Variants in TMCC1 observed in about 807,000 individuals in gnomAD.
The protein encoded by TMCC1 is transmembrane and coiled-coil domain family 1, also known as transmembrane and coiled-coil domains protein 1.
TMCC1 carries 15 observed loss-of-function variants against 52.4 expected under a neutral mutation model. The observed-to-expected ratio is 0.29, with a 90% CI of 0.19 to 0.44. TMCC1 has a LOEUF of 0.44. Ranked by LOEUF, TMCC1 falls within the 20% of genes least tolerant of loss-of-function variation. TMCC1 has a pLI of 1.00. For missense variants in TMCC1, 503 were observed against 806.0 expected, an observed-to-expected ratio of 0.62 and a Z score of 4.55; for synonymous variants, 279 against 301.9, an observed-to-expected ratio of 0.92 and a Z score of 0.79.
intron 4 of TMCC1, among the ~76,000 whole-genome samples, chr3:129,759,636 G>A (rs1343511463): frequency 6.8e-6 from 1 of 146,378 alleles, no homozygotes; most frequent in African/African-American, 2.5e-5. Context: ...CAAACTCCTG[G>A]CCTCAAGTGA....
At chr3:129,787,554 C>G (rs2056127754) in intron 4 of TMCC1, among the ~76,000 whole-genome samples, 1 of 152,044 alleles carries the variant, frequency 6.6e-6, no homozygotes, top group African/African-American at 2.4e-5. Flanking sequence ...TCCAAGAGAA[C>G]AAATTCTTCT....
At chr3:129,747,760 C>T (rs142226178) in intron 4 of TMCC1, among the ~76,000 whole-genome samples, 166 of 152,160 alleles carry the variant, frequency 1.1e-3, no homozygotes, top group African/African-American at 3.5e-3. Context: ...AACATGAATC[C>T]GACCCCTTAT....
chr3:129,680,134 C>T lies in TMCC1; in HGVS notation c.577-8870G>A, dbSNP rs138030100. ...TTGCCCTAAAATACTTTAGTATTCTCGTTTTATTAAAAACATGTGTTAAAT... is the reference window on the plus strand; with the variant it reads ...TTGCCCTAAAATACTTTAGTATTCTTGTTTTATTAAAAACATGTGTTAAAT... On this transcript the variant is annotated intron_variant, in intron 4 of 6. Transcript: ENST00000393238. Among the ~76,000 whole-genome samples the T allele has an allele frequency of 2.2e-4, 33 of 152,266 alleles. No homozygotes were observed. The East Asian group carries it at 5.8e-3, about 27-fold the overall frequency.
chr3:129,763,207 A>AAAATAAAAAAT (rs1553860559), intron 4 of TMCC1, among the ~76,000 whole-genome samples: 5 of 131,352 alleles, frequency 3.8e-5, no homozygotes, highest in South Asian at 2.3e-4. Context: ...CAAAAAATAA[A>AAAATAAAAAAT]AAATAAATAA....
At chr3:129,810,220 T>C (rs755673495) in intron 4 of TMCC1, among the ~76,000 whole-genome samples, 17 of 152,122 alleles carry the variant, frequency 1.1e-4, no homozygotes, top group Admixed American at 3.9e-4. Context: ...TAGCTGGGCA[T>C]GGTGGCGGGC....
At chr3:129,829,324 T>C (rs1368572657) in intron 3 of TMCC1, among the ~76,000 whole-genome samples, 2 of 151,552 alleles carry the variant, frequency 1.3e-5, no homozygotes, top group Admixed American at 6.6e-5. Context: ...CTGGGTAGGA[T>C]AGAAAAGTAG....
chr3:129,662,694 G>A (rs1251460178), intron 5 of TMCC1, among the ~76,000 whole-genome samples: 1 of 152,150 alleles, frequency 6.6e-6, no homozygotes, highest in Non-Finnish European at 1.5e-5. Flanking sequence ...TGTCTTATAT[G>A]TTGTTGATCA....
intron 4 of TMCC1, among the ~76,000 whole-genome samples, chr3:129,689,367 G>A (rs750052555): frequency 3.9e-5 from 6 of 152,162 alleles, no homozygotes; most frequent in African/African-American, 7.2e-5. Context: ...TATCAGATCT[G>A]AACCTTATTC....
chr3:129,870,381 T>C (rs953494460), intron 2 of TMCC1, among the ~76,000 whole-genome samples: 1 of 152,128 alleles, frequency 6.6e-6, no homozygotes, highest in Admixed American at 6.6e-5. Context: ...TGGATAGTTA[T>C]ATTTCCAAGT....
intron 4 of TMCC1, among the ~76,000 whole-genome samples, chr3:129,688,988 T>A (rs1334377085): frequency 1.3e-5 from 2 of 152,172 alleles, no homozygotes; most frequent in Non-Finnish European, 2.9e-5. Flanking sequence ...GAAAAAGCAA[T>A]CTACCTATGT....
At chr3:129,745,927 GA>G (rs2051910703) in intron 4 of TMCC1, among the ~76,000 whole-genome samples, 1 of 150,572 alleles carries the variant, frequency 6.6e-6, no homozygotes, top group Non-Finnish European at 1.5e-5. Flanking sequence ...AAAAAAAAAG[GA>G]AAGAAAAAAA....
chr3:129,743,720 T>G (rs1200070388), intron 4 of TMCC1, among the ~76,000 whole-genome samples: 1 of 152,196 alleles, frequency 6.6e-6, no homozygotes, highest in Non-Finnish European at 1.5e-5. Flanking sequence ...CTACGATAGC[T>G]GGCAAATAAG....
At chr3:129,787,504 T>TA (rs759634876) in intron 4 of TMCC1, among the ~76,000 whole-genome samples, 25 of 152,200 alleles carry the variant, frequency 1.6e-4, no homozygotes, top group Non-Finnish European at 1.5e-4. Context: ...CAATTCCTTG[T>TA]ATATAATGAA....
intron 4 of TMCC1, among the ~76,000 whole-genome samples, chr3:129,723,546 C>T (rs921989501): frequency 2.6e-5 from 4 of 151,970 alleles, no homozygotes; most frequent in Middle Eastern, 3.2e-3. Context: ...GAAAGAAACA[C>T]TGATTTTCCA....
intron 2 of TMCC1, among the ~76,000 whole-genome samples, chr3:129,858,632 A>G (rs2060249273): frequency 6.6e-6 from 1 of 152,142 alleles, no homozygotes; most frequent in Admixed American, 6.5e-5. Context: ...TCAGCCTCCC[A>G]AAGTGCTGGA....
At chr3:129,835,369 C>T (rs1273775658) in intron 2 of TMCC1, among the ~76,000 whole-genome samples, 2 of 151,882 alleles carry the variant, frequency 1.3e-5, no homozygotes, top group African/African-American at 4.8e-5. Context: ...CTTTTCCCAT[C>T]TGTTAGCATA....
At chr3:129,855,504 A>C (rs900667622) in intron 2 of TMCC1, among the ~76,000 whole-genome samples, 1 of 152,162 alleles carries the variant, frequency 6.6e-6, no homozygotes, top group Admixed American at 6.5e-5. Context: ...AAGAAAAAAA[A>C]AACTCAGCAG....
rs373361921 is a variant in TMCC1 at position 129,680,721 on chromosome 3, C to T, written c.577-9457G>A. ...TTCGAGACCAGCCTGGCCAACATGG[C>T]GAAACCCTGTCTCTACTAAAAATAC... On this transcript the variant is annotated intron_variant, in intron 4 of 6. Transcript: ENST00000393238. 1.5e-4 allele frequency among the ~76,000 whole-genome samples: 23 copies of T among 151,876 alleles called. No homozygotes were observed. In the South Asian group the frequency reaches 2.1e-3, roughly 14 times the overall value.
rs1490298111 is a variant in TMCC1 at position 129,828,965 on chromosome 3, A to G, written c.-130-457T>C. Among the ~76,000 whole-genome samples the G allele has an allele frequency of 1.3e-5, 2 of 152,210 alleles. No homozygotes were observed. The highest frequency in any genetic ancestry group is 4.8e-5 in the African/African-American group (2 of 41,456). The stretch of plus-strand genomic sequence containing the variant: ...TCACAGGCTGAAACTCAGTATAATC[A>G]AAGAACAACAGTGAGAAATGGATAT... On this transcript the variant is annotated intron_variant, in intron 3 of 6. Coordinates refer to ENST00000393238, the MANE Select transcript of TMCC1 (RefSeq NM_001017395.5). The surrounding 1 kb of genome is among the most constrained non-coding windows in gnomAD (Gnocchi z 4.1).
Sources: allele counts gnomAD v4.1 joint callset (sites outside exome capture counted in the v4.1 genomes callset), GRCh38; gene constraint gnomAD v4.1.1; non-coding constraint Gnocchi (gnomAD v3.1); transcripts MANE v1.5; gene names NCBI Gene and HGNC (gene_info 2026-07-23, HGNC 2026-07-21).